CAB39L: variants seen among roughly 807,000 people sequenced by gnomAD.
CAB39L encodes the protein calcium-binding protein 39-like.
In CAB39L, 23 loss-of-function variants were observed where a neutral mutation model predicts 39.1. The observed-to-expected ratio is 0.59, with a 90% CI of 0.42 to 0.83. The LOEUF (loss-of-function observed/expected upper bound fraction) is 0.83, where lower values mean the gene tolerates loss of function less well. CAB39L is among the 40% of genes least tolerant of loss of function. The pLI is 0.00. For missense variants in CAB39L, 366 were observed against 391.9 expected, an observed-to-expected ratio of 0.93 and a Z score of 0.56; for synonymous variants, 126 against 137.2, an observed-to-expected ratio of 0.92 and a Z score of 0.57.
At chr13:49,423,646 G>T (rs1957204929) in intron 3 of CAB39L, among the ~76,000 whole-genome samples, 1 of 152,014 alleles carries the variant, frequency 6.6e-6, no homozygotes, top group African/African-American at 2.4e-5. Flanking sequence ...AAAGGTAAAA[G>T]TTCATAAAAA....
At chr13:49,344,157 T>A in intron 8 of CAB39L, 22 bp downstream of exon 8, 1 of 1,457,596 alleles carries the variant, frequency 6.9e-7, no homozygotes, top group Non-Finnish European at 9.6e-7. Flanking sequence ...TGGGAAAGTC[T>A]TTAAAAATGA....
Position 49,409,110 on chromosome 13 carries a change from G to A in CAB39L, c.-32+24208C>T, listed in dbSNP as rs368215685. Among the ~76,000 whole-genome samples the A allele has an allele frequency of 1.1e-3, 171 of 152,274 alleles. 3 individuals carry two copies. The South Asian group carries it at 0.033, about 29-fold the overall frequency. The stretch of plus-strand genomic sequence containing the variant: ...CCTAAATTGCTAAAGACATAGGCTG[G>A]TAGTCAGCGAGACAAAAGACAGGCA... On this transcript the variant is annotated intron_variant, in intron 3 of 10. Coordinates refer to ENST00000409308, the MANE Select transcript of CAB39L (RefSeq NM_001079670.3).
At chr13:49,395,379 G>A (rs921097218) in intron 3 of CAB39L, among the ~76,000 whole-genome samples, 6 of 151,884 alleles carry the variant, frequency 4.0e-5, no homozygotes, top group South Asian at 4.1e-4. Flanking sequence ...GGGATTACAG[G>A]CACTCACCAC....
At chr13:49,345,291 TTTAA>T (rs906197261) in intron 7 of CAB39L, among the ~76,000 whole-genome samples, 7 of 152,246 alleles carry the variant, frequency 4.6e-5, no homozygotes, top group African/African-American at 1.7e-4. Context: ...TTATTTCTAC[TTTAA>T]TTTTTTAAAA....
intron 1 of CAB39L, 107 bp from the exon 2 acceptor site, chr13:49,434,330 C>A (rs1021652133): frequency 4.7e-5 from 17 of 361,758 alleles, no homozygotes; most frequent in Non-Finnish European, 9.1e-5. Flanking sequence ...AATTTTTAAT[C>A]TCTCTGAACC....
intron 9 of CAB39L, among the ~76,000 whole-genome samples, chr13:49,338,933 C>A (rs1264603463): frequency 6.6e-6 from 1 of 151,996 alleles, no homozygotes; most frequent in African/African-American, 2.4e-5. Context: ...ATAAAAAATT[C>A]TTTAGGAAAA....
At chr13:49,327,150 A>G (rs1954527336) in intron 10 of CAB39L, among the ~76,000 whole-genome samples, 1 of 143,222 alleles carries the variant, frequency 7.0e-6, no homozygotes, top group Admixed American at 7.0e-5. Flanking sequence ...CTTTTGCCAT[A>G]CTTGCCTTCA....
intron 3 of CAB39L, among the ~76,000 whole-genome samples, chr13:49,387,049 C>A (rs1353350018): frequency 6.6e-6 from 1 of 152,176 alleles, no homozygotes; most frequent in Non-Finnish European, 1.5e-5. Flanking sequence ...CGTAAACTCC[C>A]TCTAGTTGAT....
intron 10 of CAB39L, among the ~76,000 whole-genome samples, chr13:49,325,143 T>A (rs559451401): frequency 3.9e-5 from 6 of 152,208 alleles, no homozygotes; most frequent in Non-Finnish European, 7.3e-5. Flanking sequence ...TAGAGTTGAT[T>A]GTTTTATGAA....
Position 49,350,856 on chromosome 13 carries a change from C to T in CAB39L, c.452G>A (p.Arg151Gln), listed in dbSNP as rs757820177. 6.2e-6 allele frequency: 10 copies of T among 1,611,654 alleles called. No homozygotes were observed. The highest frequency in any genetic ancestry group is 2.7e-5 in the African/African-American group (2 of 74,834). ...GATGATTTTGGCAAGTGGTTCATGT[C>T]GAATACATTCTCTCAGCATAATCCC... ...RCGIMLRECIRHEPLAKIILF... is the reference protein window; with the variant it reads ...RCGIMLRECIQHEPLAKIILF... The change falls in exon 7 of 11, where the codon CGA becomes CAA. Residue 151 changes from arginine (R) to glutamine (Q), a missense_variant. Physicochemically the swap from Arg to Gln is conservative, Grantham distance 43. Transcript: ENST00000409308.
chr13:49,384,217 A>C (rs915148906), intron 3 of CAB39L, among the ~76,000 whole-genome samples: 1 of 152,210 alleles, frequency 6.6e-6, no homozygotes, highest in South Asian at 2.1e-4. Flanking sequence ...AGTAGATTCC[A>C]TCTTAAGAAA....
intron 7 of CAB39L, among the ~76,000 whole-genome samples, chr13:49,346,431 A>G (rs745310717): frequency 3.8e-4 from 58 of 151,978 alleles, no homozygotes; most frequent in Non-Finnish European, 7.9e-4. Flanking sequence ...CAAACTCCAA[A>G]GAATTTAGAA....
intron 8 of CAB39L, among the ~76,000 whole-genome samples, chr13:49,342,417 GT>G (rs1285605546): frequency 1.3e-5 from 2 of 151,968 alleles, no homozygotes; most frequent in African/African-American, 2.4e-5. Context: ...ACATGAAATT[GT>G]TTTTTGCTTT....
intron 1 of CAB39L, among the ~76,000 whole-genome samples, chr13:49,440,957 T>C (rs1191658359): frequency 3.3e-5 from 5 of 151,996 alleles, no homozygotes; most frequent in Admixed American, 3.3e-4. Flanking sequence ...TAGTCTGACT[T>C]CTTTTCCTAT....
At chr13:49,420,127 C>A (rs1170364208) in intron 3 of CAB39L, among the ~76,000 whole-genome samples, 1 of 152,042 alleles carries the variant, frequency 6.6e-6, no homozygotes, top group Non-Finnish European at 1.5e-5. Flanking sequence ...TGTGAAAGGA[C>A]AATTATTTTA....
In CAB39L at chr13:49,310,981, T is replaced by C. The variant is rs1297800864; in HGVS notation, c.847A>G (p.Ser283Gly). The part of the protein sequence containing the change: ...AFHVFKVFVA[S>G]PHKTQPIVEI... Reference sequence around the variant, plus strand: ...ACAATAGGCTGTGTTTTGTGAGGACTGGCCACAAACACCTGAAACAAAAAG... The same window carrying C: ...ACAATAGGCTGTGTTTTGTGAGGACCGGCCACAAACACCTGAAACAAAAAG... The change falls in exon 11 of 11, where the codon AGT (serine) becomes GGT (glycine). Residue 283 changes from serine to glycine, a missense_variant. Coordinates refer to ENST00000409308, the MANE Select transcript of CAB39L (RefSeq NM_001079670.3). 2.5e-6 allele frequency: 4 copies of C among 1,613,594 alleles called. No homozygotes were observed. The highest frequency in any genetic ancestry group is 3.4e-6 in the Non-Finnish European group (4 of 1,179,710).
At chr13:49,346,532 G>A (rs1311955434) in intron 7 of CAB39L, among the ~76,000 whole-genome samples, 1 of 152,066 alleles carries the variant, frequency 6.6e-6, no homozygotes, top group Non-Finnish European at 1.5e-5. Context: ...AGTATATTAT[G>A]CTGAAAAATC....
intron 9 of CAB39L, among the ~76,000 whole-genome samples, chr13:49,338,861 C>G (rs1187231445): frequency 6.6e-6 from 1 of 152,062 alleles, no homozygotes; most frequent in East Asian, 1.9e-4. Flanking sequence ...TTTAAGCAAC[C>G]TGCAGGAAAA....
At chr13:49,390,453 A>G (rs1484795892) in intron 3 of CAB39L, among the ~76,000 whole-genome samples, 2 of 152,176 alleles carry the variant, frequency 1.3e-5, no homozygotes, top group African/African-American at 2.4e-5. Flanking sequence ...AAGTCATATC[A>G]GCTGCCAATA....
Sources: gnomAD v4.1 joint callset for allele counts (sites outside exome capture counted in the v4.1 genomes callset) on GRCh38, gnomAD v4.1.1 for gene constraint, MANE v1.5 for transcripts, NCBI Gene and HGNC (gene_info 2026-07-23, HGNC 2026-07-21) for gene names.